MCMDC2: variants seen among roughly 807,000 people sequenced by gnomAD.
MCMDC2 encodes minichromosome maintenance domain-containing protein 2.
Under a neutral mutation model 75.8 loss-of-function variants are expected in MCMDC2, and 54 were observed. The observed-to-expected ratio is 0.71, with a 90% CI of 0.57 to 0.89. The LOEUF is 0.89. Ranked by LOEUF, MCMDC2 falls within the 40% of genes least tolerant of loss-of-function variation. The pLI, the probability that MCMDC2 is intolerant of heterozygous loss-of-function variation, is 0.00. For missense variants in MCMDC2, 656 were observed against 780.4 expected, an observed-to-expected ratio of 0.84 and a Z score of 1.90; for synonymous variants, 249 against 274.6, an observed-to-expected ratio of 0.91 and a Z score of 0.92.
intron 10 of MCMDC2, among the ~76,000 whole-genome samples, chr8:66,895,379 C>CCTT (rs1055991643): frequency 3.3e-5 from 5 of 151,144 alleles, no homozygotes; most frequent in African/African-American, 1.2e-4. Flanking sequence ...CTTCCTTCTT[C>CCTT]CTTCTTCTTC....
chr8:66,874,410 A>G lies in MCMDC2; in HGVS notation c.179A>G (p.Asn60Ser), dbSNP rs764191928. The change falls in exon 3 of 15, where the codon AAT (asparagine) becomes AGT (serine). Residue 60 changes from asparagine (N) to serine (S), a missense_variant. By Grantham distance (46) the Asn-to-Ser change is conservative. Coordinates refer to ENST00000422365, the MANE Select transcript of MCMDC2 (RefSeq NM_173518.5). Reference sequence around the variant, plus strand: ...GTTGAATTAGATGCTGAGCTTGGAAATCACATTTTACACCAACCTTTAAAA... The same window carrying G: ...GTTGAATTAGATGCTGAGCTTGGAAGTCACATTTTACACCAACCTTTAAAA... ...DVVELDAELGNHILHQPLKAA... is the reference protein window; with the variant it reads ...DVVELDAELGSHILHQPLKAA... The G allele has an allele frequency of 6.2e-7, 1 of 1,613,880 alleles. No homozygotes were observed. Among genetic ancestry groups the G allele is most frequent in the Non-Finnish European group, 8.5e-7 (1 of 1,179,950 alleles).
intron 14 of MCMDC2, among the ~76,000 whole-genome samples, chr8:66,914,303 A>C (rs1813227008): frequency 6.7e-6 from 1 of 150,002 alleles, no homozygotes; most frequent in Non-Finnish European, 1.5e-5. Context: ...AAAAAAAAAA[A>C]ACTAAAGACA....
chr8:66,903,852 A>G (rs1348627811), intron 13 of MCMDC2, among the ~76,000 whole-genome samples: 1 of 152,204 alleles, frequency 6.6e-6, no homozygotes, highest in Non-Finnish European at 1.5e-5. Flanking sequence ...CATGATAATT[A>G]CATTTATAAA....
At chr8:66,879,322 G>T (rs1344494815) in intron 7 of MCMDC2, among the ~76,000 whole-genome samples, 1 of 152,164 alleles carries the variant, frequency 6.6e-6, no homozygotes, top group African/African-American at 2.4e-5. Context: ...GCCAGGCGCG[G>T]TGGCTCACAC....
At chr8:66,896,077 C>A in intron 10 of MCMDC2, 93 bp from the exon 11 acceptor site, 1 of 1,124,160 alleles carries the variant, frequency 8.9e-7, no homozygotes, top group Non-Finnish European at 1.3e-6. Flanking sequence ...AAAGTCTACA[C>A]AGTATAATTA....
At chr8:66,897,015 T>C in intron 12 of MCMDC2, 56 bp downstream of exon 12, 1 of 1,465,616 alleles carries the variant, frequency 6.8e-7, no homozygotes, top group Non-Finnish European at 9.2e-7. Context: ...TCTCAAATTA[T>C]ATAGAAGTCC....
chr8:66,876,754 G>A (rs1235138844), intron 4 of MCMDC2, among the ~76,000 whole-genome samples: 2 of 151,740 alleles, frequency 1.3e-5, no homozygotes, highest in Admixed American at 1.3e-4. Flanking sequence ...ATTTTATTTT[G>A]AGATGGAGTC....
downstream of MCMDC2, among the ~76,000 whole-genome samples, chr8:66,924,633 C>CAAA (rs201097719): frequency 4.9e-5 from 4 of 81,134 alleles, no homozygotes; most frequent in Admixed American, 1.4e-4. Context: ...GACTCTGGCT[C>CAAA]AAAAAAAAAA....
chr8:66,913,343 T>G (rs1207906155), intron 14 of MCMDC2, among the ~76,000 whole-genome samples: 1 of 152,234 alleles, frequency 6.6e-6, no homozygotes, highest in African/African-American at 2.4e-5. Context: ...TATTGTGATA[T>G]TCACTTTTTT....
intron 12 of MCMDC2, among the ~76,000 whole-genome samples, chr8:66,897,591 A>G (rs1031537858): frequency 9.9e-5 from 15 of 152,198 alleles, no homozygotes; most frequent in Non-Finnish European, 1.8e-4. Flanking sequence ...GAATTTTTCT[A>G]TAGAAAATTA....
At chr8:66,906,929 C>T (rs911016794) in intron 14 of MCMDC2, among the ~76,000 whole-genome samples, 1 of 151,942 alleles carries the variant, frequency 6.6e-6, no homozygotes, top group Non-Finnish European at 1.5e-5. Context: ...CCACCACGCC[C>T]AGCTAATTTT....
chr8:66,919,199 C>T lies in MCMDC2; in HGVS notation c.*30C>T. On this transcript the variant is annotated 3_prime_UTR_variant, in exon 15 of 15. Transcript: ENST00000422365. Reference sequence around the variant, plus strand: ...TTTGAGGAATTTTTGTTCATTCCTACTTAAGCAGTGGAGAAAAAGTGTGAC... The same window carrying T: ...TTTGAGGAATTTTTGTTCATTCCTATTTAAGCAGTGGAGAAAAAGTGTGAC... The T allele has an allele frequency of 6.6e-7, 1 of 1,514,216 alleles. No individual in the cohort carries two copies. The highest frequency in any genetic ancestry group is 2.2e-5 in the Admixed American group (1 of 45,030). The allele number at this position is 1,514,216 out of a possible 1,614,324, so 93.8% of individuals were successfully genotyped here. A position where few individuals can be genotyped will look rare whatever the true frequency, so the allele number is the denominator to read the frequency against.
intron 10 of MCMDC2, 142 bp downstream of exon 10, chr8:66,891,212 A>G (rs1812092495): frequency 7.7e-6 from 6 of 774,548 alleles, no homozygotes; most frequent in African/African-American, 1.8e-5. Context: ...TTTTGGTTTT[A>G]TAAGCTAAAC....
downstream of MCMDC2, among the ~76,000 whole-genome samples, chr8:66,924,292 A>G (rs1033454701): frequency 6.6e-6 from 1 of 152,046 alleles, no homozygotes; most frequent in Non-Finnish European, 1.5e-5. Flanking sequence ...ATTTGAAGAA[A>G]AAAAAAAACC....
At chr8:66,894,003 A>G (rs1332574474) in intron 10 of MCMDC2, among the ~76,000 whole-genome samples, 1 of 152,206 alleles carries the variant, frequency 6.6e-6, no homozygotes, top group African/African-American at 2.4e-5. Flanking sequence ...CCAACGAGAT[A>G]ATGGCACTTG....
At chr8:66,880,034 TG>T (rs1243834400) in intron 7 of MCMDC2, among the ~76,000 whole-genome samples, 1 of 152,236 alleles carries the variant, frequency 6.6e-6, no homozygotes, top group Non-Finnish European at 1.5e-5. Flanking sequence ...ATTTTTAGTA[TG>T]TTTTTTAAAA....
At chr8:66,918,172 CAT>C (rs1813390391) in intron 14 of MCMDC2, among the ~76,000 whole-genome samples, 1 of 152,130 alleles carries the variant, frequency 6.6e-6, no homozygotes. Context: ...ACATCTTTCT[CAT>C]GTGCTTATTG....
chr8:66,898,565 G>T (rs1812470662), intron 12 of MCMDC2, among the ~76,000 whole-genome samples: 1 of 150,930 alleles, frequency 6.6e-6, no homozygotes, highest in South Asian at 2.1e-4. Context: ...CGGAGGTTGA[G>T]GTGAGCCGAG....
chr8:66,883,040 G>A (rs1043452100), intron 8 of MCMDC2, among the ~76,000 whole-genome samples: 1 of 152,164 alleles, frequency 6.6e-6, no homozygotes, highest in Non-Finnish European at 1.5e-5. Context: ...GGAAATCACT[G>A]CTTTTTGATG....
Sources: gnomAD v4.1 joint callset for allele counts (sites outside exome capture counted in the v4.1 genomes callset) on GRCh38, gnomAD v4.1.1 for gene constraint, MANE v1.5 for transcripts, NCBI Gene and HGNC (gene_info 2026-07-23, HGNC 2026-07-21) for gene names.